GIGYF2: variants seen among roughly 807,000 people sequenced by gnomAD.
GIGYF2 encodes GRB10-interacting GYF protein 2.
Under a neutral mutation model 208.1 loss-of-function variants are expected in GIGYF2, and 25 were observed. The observed-to-expected ratio is 0.12, with a 90% CI of 0.09 to 0.17. The LOEUF (loss-of-function observed/expected upper bound fraction) is 0.17, where lower values mean the gene tolerates loss of function less well. Among genes scored for constraint, GIGYF2 ranks in the 10% least tolerant of loss-of-function variants. The pLI, the probability that GIGYF2 is intolerant of heterozygous loss-of-function variation, is 1.00. For synonymous variants in GIGYF2, 534 were observed against 543.8 expected (o/e 0.98, Z 0.25); for missense variants, 1,302 against 1,579.4 (o/e 0.82, Z 2.98).
intron 14 of GIGYF2, 137 bp downstream of exon 14, chr2:232,796,358 G>C: frequency 1.5e-6 from 1 of 687,374 alleles, no homozygotes; most frequent in South Asian, 1.6e-5. Flanking sequence ...ACGCAGACTA[G>C]AAGTGTTTCT....
At chr2:232,762,711 AATGTGGC>A (rs1194454569) in intron 8 of GIGYF2, among the ~76,000 whole-genome samples, 2 of 152,132 alleles carry the variant, frequency 1.3e-5, no homozygotes, top group African/African-American at 4.8e-5. Flanking sequence ...CTCATTTATG[AATGTGGC>A]ATTGGGAATA....
At chr2:232,795,021 CAT>C in intron 13 of GIGYF2, 77 bp downstream of exon 13, 1 of 1,091,854 alleles carries the variant, frequency 9.2e-7, no homozygotes, top group Non-Finnish European at 1.4e-6. Context: ...AATATTCAAA[CAT>C]AAAACTTTTG....
chr2:232,860,416 AAG>A lies in GIGYF2; in HGVS notation c.*3557_*3558del, dbSNP rs1315412986. On this transcript the variant is annotated 3_prime_UTR_variant, in exon 29 of 29. Coordinates refer to ENST00000373563, the MANE Select transcript of GIGYF2 (RefSeq NM_001103146.3). ...TTTATATATACAAATATGTATATAAAAGTATATGTTTTACATTTTCAATATAT... is the reference window on the plus strand; with the variant it reads ...TTTATATATACAAATATGTATATAAATATATGTTTTACATTTTCAATATAT... 3 of 149,472 alleles carry A rather than the reference AAG, an allele frequency of 2.0e-5. No homozygotes were observed. The highest frequency in any genetic ancestry group is 4.4e-5 in the Non-Finnish European group (3 of 67,530). The allele number at this position is 149,472 out of a possible 1,614,324, so 9.3% of individuals were successfully genotyped here.
chr2:232,841,913 C>CT (rs1701828077), intron 23 of GIGYF2, among the ~76,000 whole-genome samples: 1 of 151,996 alleles, frequency 6.6e-6, no homozygotes, highest in Non-Finnish European at 1.5e-5. Context: ...CATCTCTGTG[C>CT]TTTTATCTTT....
At chr2:232,758,291 A>G (rs191630303) in intron 6 of GIGYF2, among the ~76,000 whole-genome samples, 11 of 152,310 alleles carry the variant, frequency 7.2e-5, no homozygotes, top group Non-Finnish European at 1.3e-4. Context: ...CCAGGCTGCT[A>G]AATATCATGT....
At chr2:232,733,451 A>AT (rs1374152478) in intron 2 of GIGYF2, among the ~76,000 whole-genome samples, 1 of 152,124 alleles carries the variant, frequency 6.6e-6, no homozygotes, top group African/African-American at 2.4e-5. Flanking sequence ...TGAATAGCTG[A>AT]TTATGAAGGT....
chr2:232,738,537 A>G (rs746517787), intron 3 of GIGYF2, among the ~76,000 whole-genome samples: 3 of 152,176 alleles, frequency 2.0e-5, no homozygotes, highest in Admixed American at 6.5e-5. Flanking sequence ...TTTATTGTCT[A>G]TATCCTGTCT....
At chr2:232,760,349 C>A (rs1374588901) in intron 6 of GIGYF2, 131 bp from the exon 7 acceptor site, 8 of 693,042 alleles carry the variant, frequency 1.2e-5, no homozygotes, top group Non-Finnish European at 1.8e-5. Flanking sequence ...GATCATCAGG[C>A]CTCGTTCAGT....
intron 28 of GIGYF2, among the ~76,000 whole-genome samples, chr2:232,852,575 G>A (rs1690395190): frequency 6.7e-6 from 1 of 148,664 alleles, no homozygotes; most frequent in Non-Finnish European, 1.5e-5. Context: ...AAATAATAAT[G>A]TTTAAAATAT....
At chr2:232,756,193 T>TTC (rs748992728) in intron 5 of GIGYF2, 30 bp from the exon 6 acceptor site, 14 of 1,257,750 alleles carry the variant, frequency 1.1e-5, no homozygotes, top group Admixed American at 4.0e-5. Context: ...TTTTTCCTTT[T>TTC]TCTCTTTTTT....
At chr2:232,744,308 C>G (rs1319964081) in intron 3 of GIGYF2, among the ~76,000 whole-genome samples, 1 of 152,076 alleles carries the variant, frequency 6.6e-6, no homozygotes, top group African/African-American at 2.4e-5. Flanking sequence ...GAGAAGGAGT[C>G]TTTGGGGAGA....
At chr2:232,732,526 A>G (rs1574814140) in intron 2 of GIGYF2, among the ~76,000 whole-genome samples, 1 of 152,104 alleles carries the variant, frequency 6.6e-6, no homozygotes, top group African/African-American at 2.4e-5. Flanking sequence ...CTGTAACACA[A>G]CTCGCACCCA....
At chr2:232,762,164 A>C (rs1342749920) in intron 8 of GIGYF2, among the ~76,000 whole-genome samples, 1 of 151,372 alleles carries the variant, frequency 6.6e-6, no homozygotes, top group East Asian at 1.9e-4. Context: ...ACAAGTTCCA[A>C]GTCCTACAAG....
intron 3 of GIGYF2, 29 bp from the exon 4 acceptor site, chr2:232,747,586 T>C: frequency 6.2e-7 from 1 of 1,613,364 alleles, no homozygotes; most frequent in Non-Finnish European, 8.5e-7. Flanking sequence ...CCAGAATGTT[T>C]GACATATTCT....
chr2:232,727,582 A>G (rs925648657), intron 2 of GIGYF2, among the ~76,000 whole-genome samples: 14 of 152,202 alleles, frequency 9.2e-5, no homozygotes, highest in Admixed American at 3.3e-4. Context: ...TGTGGTGAGA[A>G]TAGTACCTCA....
intron 8 of GIGYF2, chr2:232,776,322 A>C: frequency 4.3e-6 from 3 of 700,358 alleles, no homozygotes; most frequent in Non-Finnish European, 7.6e-6. Context: ...ATCCTACACT[A>C]TAGATAATGT....
intron 6 of GIGYF2, among the ~76,000 whole-genome samples, chr2:232,758,961 G>T (rs1222614438): frequency 6.6e-6 from 1 of 152,160 alleles, no homozygotes; most frequent in Admixed American, 6.5e-5. Flanking sequence ...TTGACTTTAA[G>T]TGAAGTTGAC....
At chr2:232,853,508 C>T (rs1453089629) in intron 28 of GIGYF2, among the ~76,000 whole-genome samples, 1 of 152,264 alleles carries the variant, frequency 6.6e-6, no homozygotes, top group East Asian at 1.9e-4. Flanking sequence ...CTCCTGACCT[C>T]GTGATCTGCC....
At chr2:232,778,510 G>A (rs1290613962) in intron 8 of GIGYF2, among the ~76,000 whole-genome samples, 3 of 152,150 alleles carry the variant, frequency 2.0e-5, no homozygotes, top group African/African-American at 7.2e-5. Context: ...CATTACAATA[G>A]CCTGAGCATT....
Sources: allele counts gnomAD v4.1 joint callset (sites outside exome capture counted in the v4.1 genomes callset), GRCh38; gene constraint gnomAD v4.1.1; transcripts MANE v1.5; gene names NCBI Gene and HGNC (gene_info 2026-07-23, HGNC 2026-07-21).